Variants in FHIT observed in about 807,000 individuals in gnomAD.
FHIT encodes bis(5'-adenosyl)-triphosphatase.
In FHIT, 19 loss-of-function variants were observed where a neutral mutation model predicts 17.9. That is an observed-to-expected ratio of 1.06 (90% CI 0.74 to 1.56). FHIT has a LOEUF of 1.56. Ranked by LOEUF, FHIT falls within the 40% of genes most tolerant of loss-of-function variation. The probability of loss-of-function intolerance (pLI) is 0.00; values close to 1 mark genes in which losing one functional copy is unlikely to be tolerated. For synonymous variants in FHIT, 81 were observed against 69.7 expected (o/e 1.16, Z -0.81); for missense variants, 248 against 189.2 (o/e 1.31, Z -1.82).
chr3:60,479,372 A>G (rs1320326975), intron 5 of FHIT, among the ~76,000 whole-genome samples: 1 of 152,172 alleles, frequency 6.6e-6, no homozygotes, highest in Non-Finnish European at 1.5e-5. Flanking sequence ...GGTCATAAAT[A>G]TATACAGTCA....
At chr3:59,887,034 G>T (rs142504897) in intron 8 of FHIT, among the ~76,000 whole-genome samples, 1 of 152,214 alleles carries the variant, frequency 6.6e-6, no homozygotes, top group Non-Finnish European at 1.5e-5. Context: ...AATAACTTTG[G>T]CTGGCTGGTT....
chr3:60,281,090 A>G (rs1707427077), intron 5 of FHIT, among the ~76,000 whole-genome samples: 1 of 152,358 alleles, frequency 6.6e-6, no homozygotes, highest in African/African-American at 2.4e-5. Flanking sequence ...TAGAAGCACA[A>G]TATCACTTAT....
At chr3:60,256,086 G>C (rs1213808723) in intron 5 of FHIT, among the ~76,000 whole-genome samples, 1 of 152,076 alleles carries the variant, frequency 6.6e-6, no homozygotes, top group Non-Finnish European at 1.5e-5. Flanking sequence ...ATGATCTTGA[G>C]CTCTGTAACC....
chr3:60,518,973 C>G (rs773923612), intron 5 of FHIT, among the ~76,000 whole-genome samples: 44 of 152,342 alleles, frequency 2.9e-4, no homozygotes, highest in Non-Finnish European at 4.9e-4. Context: ...CCAATGCACT[C>G]TAGCCTGGAC....
intron 5 of FHIT, among the ~76,000 whole-genome samples, chr3:60,525,136 T>G (rs2035524292): frequency 6.6e-6 from 1 of 152,176 alleles, no homozygotes; most frequent in Non-Finnish European, 1.5e-5. Context: ...TCAACAAGTC[T>G]TAACAGGATC....
intron 4 of FHIT, among the ~76,000 whole-genome samples, chr3:60,622,006 G>T (rs1466202002): frequency 6.6e-6 from 1 of 152,048 alleles, no homozygotes; most frequent in Non-Finnish European, 1.5e-5. Flanking sequence ...TTTTCTTAAG[G>T]ATTTGAGCTC....
chr3:60,383,878 CAAA>C (rs1424009263), intron 5 of FHIT, among the ~76,000 whole-genome samples: 8 of 151,964 alleles, frequency 5.3e-5, no homozygotes, highest in African/African-American at 1.7e-4. Context: ...TTCTCACTGT[CAAA>C]AAAGACATAT....
chr3:60,246,693 C>G (rs1705413713), intron 5 of FHIT, among the ~76,000 whole-genome samples: 1 of 152,056 alleles, frequency 6.6e-6, no homozygotes, highest in Admixed American at 6.6e-5. Flanking sequence ...TATATTTACT[C>G]CTATTTAAAG....
chr3:60,846,972 C>T (rs1559767589), intron 3 of FHIT, among the ~76,000 whole-genome samples: 1 of 152,102 alleles, frequency 6.6e-6, no homozygotes, highest in East Asian at 1.9e-4. Context: ...TACAGGTATG[C>T]ACCACAAAGC....
At position 60,438,823 on chromosome 3, in the gene FHIT, GA is replaced by G. The variant is rs2030529564; in HGVS notation, c.103+98036del. Reference sequence around the variant, plus strand: ...AACATAATGATGTCCGTGGTACCCAGAACACCAAAATTGCCTAGACTACCTT... The same window carrying G: ...AACATAATGATGTCCGTGGTACCCAGACACCAAAATTGCCTAGACTACCTT... On this transcript the variant is annotated intron_variant, in intron 5 of 9. Transcript: ENST00000492590. 1.3e-5 allele frequency among the ~76,000 whole-genome samples: 2 copies of G among 152,044 alleles called. 1 individual carries two copies. The highest frequency in any genetic ancestry group is 1.3e-4 in the Admixed American group (2 of 15,244).
At chr3:60,210,035 C>T (rs1029070001) in intron 5 of FHIT, among the ~76,000 whole-genome samples, 4 of 151,982 alleles carry the variant, frequency 2.6e-5, no homozygotes, top group African/African-American at 7.3e-5. Flanking sequence ...GCACGTTCTG[C>T]GCATGTATCC....
chr3:61,248,845 A>T (rs1057227639), intron 1 of FHIT, among the ~76,000 whole-genome samples: 1 of 152,196 alleles, frequency 6.6e-6, no homozygotes, highest in Non-Finnish European at 1.5e-5. Flanking sequence ...CAGAAACGGG[A>T]TACTTTTGAC....
At chr3:60,328,882 T>C (rs114256693) in intron 5 of FHIT, among the ~76,000 whole-genome samples, 2,111 of 152,266 alleles carry the variant, frequency 0.014, 56 homozygotes, top group African/African-American at 0.048. Context: ...TAAATGAAAA[T>C]GGTGCCTTTA....
chr3:60,210,534 C>A (rs55636914), intron 5 of FHIT, among the ~76,000 whole-genome samples: 152,294 of 152,294 alleles, frequency 1, 76,147 homozygotes, highest in Non-Finnish European at 1. Context: ...CAATATACAC[C>A]AGGGCTGCAA....
Position 60,684,627 on chromosome 3 carries a change from A to G in FHIT, c.-18+137292T>C, listed in dbSNP as rs555135714. 2.6e-5 allele frequency among the ~76,000 whole-genome samples: 4 copies of G among 152,178 alleles called. No individual in the cohort carries two copies. The East Asian group carries it at 5.8e-4, about 22-fold the overall frequency. On this transcript the variant is annotated intron_variant, in intron 4 of 9. Coordinates refer to ENST00000492590, the MANE Select transcript of FHIT (RefSeq NM_002012.4). Reference sequence around the variant, plus strand: ...CTCCGTGCCAGGGTCTCTTCCAAGGAGAGTATTCAAGAGCTGTGCCACCCC... The same window carrying G: ...CTCCGTGCCAGGGTCTCTTCCAAGGGGAGTATTCAAGAGCTGTGCCACCCC...
chr3:60,003,475 T>C (rs1472169117), intron 7 of FHIT, among the ~76,000 whole-genome samples: 8 of 152,120 alleles, frequency 5.3e-5, no homozygotes, highest in Admixed American at 3.9e-4. Flanking sequence ...TGTGGTGTAG[T>C]CTAAAACAAA....
At chr3:61,157,564 G>A (rs1198456072) in intron 2 of FHIT, among the ~76,000 whole-genome samples, 1 of 152,142 alleles carries the variant, frequency 6.6e-6, no homozygotes, top group Non-Finnish European at 1.5e-5. Flanking sequence ...AGGGTTTGGG[G>A]AATTGAAACA....
intron 3 of FHIT, among the ~76,000 whole-genome samples, chr3:60,829,879 T>C (rs1345486920): frequency 6.9e-6 from 1 of 144,176 alleles, no homozygotes; most frequent in Non-Finnish European, 1.6e-5. Context: ...AGAAGAGAAG[T>C]TACCTTTTTG....
At chr3:59,921,602 C>A (rs529628525) in intron 8 of FHIT, among the ~76,000 whole-genome samples, 1 of 152,178 alleles carries the variant, frequency 6.6e-6, no homozygotes, top group Non-Finnish European at 1.5e-5. Flanking sequence ...TCTGCTCTAC[C>A]GTGTGGGGGA....
Sources: gnomAD v4.1 joint callset for allele counts (sites outside exome capture counted in the v4.1 genomes callset) on GRCh38, gnomAD v4.1.1 for gene constraint, MANE v1.5 for transcripts, NCBI Gene and HGNC (gene_info 2026-07-23, HGNC 2026-07-21) for gene names.